Variants in MAP1S observed in about 807,000 individuals in gnomAD.
MAP1S encodes the protein microtubule-associated protein 1S.
Under a neutral mutation model 60.9 loss-of-function variants are expected in MAP1S, and 27 were observed. The ratio of observed to expected loss-of-function variants is 0.44; its 90% confidence interval spans 0.33 to 0.61. MAP1S has a LOEUF of 0.61. MAP1S is among the 20% of genes least tolerant of loss of function. The pLI is 0.03. For missense variants in MAP1S, 1,608 were observed against 1,486.6 expected (o/e 1.08, Z -1.34); for synonymous variants, 826 against 694.2 (o/e 1.19, Z -2.98).
chr19:17,722,448 T>TTGCCCAGG (rs1451303006), intron 2 of MAP1S, among the ~76,000 whole-genome samples: 8 of 150,694 alleles, frequency 5.3e-5, no homozygotes, highest in Admixed American at 4.0e-4. Context: ...CGAGACCCTG[T>TTGCCCAGG]CTCAAAAAAA....
chr19:17,725,747 G>A lies in MAP1S; in HGVS notation c.445-82G>A. On this transcript the variant is annotated intron_variant, in intron 4 of 6. Coordinates refer to ENST00000324096, the MANE Select transcript of MAP1S (RefSeq NM_018174.6). The surrounding 1 kb of genome is among the most constrained non-coding windows in gnomAD (Gnocchi z 4.2). ...AGGAGCAGGCCCTGGGGGAAAGGAT[G>A]AGGGTGTCCTCGCCCAGTTTTCCCA... is the stretch of plus-strand genomic sequence containing the variant. 1.4e-6 allele frequency: 2 copies of A among 1,395,810 alleles called. No individual in the cohort carries two copies. The highest frequency in any genetic ancestry group is 2.0e-6 in the Non-Finnish European group (2 of 1,023,550). The allele number at this position is 1,395,810 out of a possible 1,614,324, so 86.5% of individuals were successfully genotyped here. A position where few individuals can be genotyped will look rare whatever the true frequency, so the allele number is the denominator to read the frequency against.
chr19:17,727,894 C>T lies in MAP1S; in HGVS notation c.2510C>T (p.Pro837Leu). The change falls in exon 5 of 7, where the codon CCA becomes CTA. Residue 837 changes from proline to leucine, a missense_variant. Around this residue, in one of 4 missense-constraint regions of MAP1S, gnomAD observed 1,167 missense variants for 961.4 expected, o/e 1.21. Coordinates refer to ENST00000324096, the MANE Select transcript of MAP1S (RefSeq NM_018174.6). This position sits in a 1 kb window ranked among gnomAD's most constrained non-coding sequence, Gnocchi z 4.1. ...AAGGTCCCCCCACCACTGCCTGACC[C>T]ATCCAGCATCTGCATGGTGGACCCC... ...PLKVPPPLPD[P>L]SSICMVDPEM... The T allele has an allele frequency of 6.2e-7, 1 of 1,613,048 alleles. No individual in the cohort carries two copies. Among genetic ancestry groups the T allele is most frequent in the African/African-American group, 1.3e-5 (1 of 75,016 alleles).
In MAP1S at chr19:17,727,748, C is replaced by T. The variant is rs142288543; in HGVS notation, c.2364C>T (p.Ser788=). ...GAEETPPTSV[S]ESLPTLSDSD... Reference sequence around the variant, plus strand: ...AGGAGACGCCACCCACATCGGTCAGCGAGTCCCTGCCCACCCTGTCTGACT... The same window carrying T: ...AGGAGACGCCACCCACATCGGTCAGTGAGTCCCTGCCCACCCTGTCTGACT... The change falls in exon 5 of 7, where the codon AGC becomes AGT. Residue 788 remains serine (S), a synonymous_variant. Coordinates refer to ENST00000324096, the MANE Select transcript of MAP1S (RefSeq NM_018174.6). This position sits in a 1 kb window ranked among gnomAD's most constrained non-coding sequence, Gnocchi z 4.1. 50 of 1,605,820 alleles carry T rather than the reference C, an allele frequency of 3.1e-5. No individual in the cohort carries two copies. The highest frequency in any genetic ancestry group is 3.8e-5 in the Non-Finnish European group (45 of 1,175,930).
chr19:17,725,018 C>T lies in MAP1S; in HGVS notation c.304-31C>T, dbSNP rs141724422. 9 of 1,614,024 alleles carry T rather than the reference C, an allele frequency of 5.6e-6. No homozygotes were observed. The highest frequency in any genetic ancestry group is 2.2e-5 in the East Asian group (1 of 44,870). On this transcript the variant is annotated intron_variant, in intron 3 of 6. Transcript: ENST00000324096. This position sits in a 1 kb window ranked among gnomAD's most constrained non-coding sequence, Gnocchi z 4.2. ...CTGCTGGATACGTCACTGCACAGAA[C>T]GGGTCCTTTAGTGTTCACCCCCTCC...
At chr19:17,723,143 T>C (rs1238705127) in intron 2 of MAP1S, among the ~76,000 whole-genome samples, 1 of 152,084 alleles carries the variant, frequency 6.6e-6, no homozygotes, top group Non-Finnish European at 1.5e-5. Flanking sequence ...CCGGCCCTTA[T>C]GCTGCCCCAC....
intron 2 of MAP1S, chr19:17,721,404 C>T (rs968671413): frequency 2.0e-4 from 69 of 341,670 alleles, no homozygotes; most frequent in African/African-American, 1.4e-3. Flanking sequence ...GAACCGGGCG[C>T]GGTGGCTTAC....
In MAP1S at chr19:17,725,378, G is replaced by A. The variant is rs2080408628; in HGVS notation, c.444+189G>A. Among the ~76,000 whole-genome samples, 2 of 152,196 alleles carry A rather than the reference G, an allele frequency of 1.3e-5. No homozygotes were observed. Among genetic ancestry groups the A allele is most frequent in the South Asian group, 2.1e-4 (1 of 4,834 alleles). ...CCCATTGCCCGCGAAAGGGTGTGGT[G>A]TGAGCTGAGTTTGTAGGTCAGCAGA... is the stretch of plus-strand genomic sequence containing the variant. On this transcript the variant is annotated intron_variant, in intron 4 of 6. Coordinates refer to ENST00000324096, the MANE Select transcript of MAP1S (RefSeq NM_018174.6). This position sits in a 1 kb window ranked among gnomAD's most constrained non-coding sequence, Gnocchi z 4.2.
At chr19:17,732,421 T>A (rs1043029167) in intron 5 of MAP1S, among the ~76,000 whole-genome samples, 2 of 152,186 alleles carry the variant, frequency 1.3e-5, no homozygotes, top group Non-Finnish European at 2.9e-5. Flanking sequence ...AGCCGTATCC[T>A]TTCATTTCAT....
At chr19:17,724,252 C>G (rs1254884089) in intron 3 of MAP1S, 44 bp downstream of exon 3, 3 of 1,512,854 alleles carry the variant, frequency 2.0e-6, no homozygotes, top group Non-Finnish European at 2.8e-6. Context: ...CTGCTGGGAC[C>G]CGTGCCTTCT....
chr19:17,733,642 G>A (rs941696692), intron 6 of MAP1S, among the ~76,000 whole-genome samples: 1 of 152,192 alleles, frequency 6.6e-6, no homozygotes, highest in Admixed American at 6.5e-5. Flanking sequence ...CCTGGGGGAG[G>A]ACGCAGGGCC....
At chr19:17,720,893 G>A (rs767854136) in intron 1 of MAP1S, 43 bp from the exon 2 acceptor site, 4 of 1,470,890 alleles carry the variant, frequency 2.7e-6, no homozygotes, top group Non-Finnish European at 3.8e-6. Context: ...TGGGAGCTGG[G>A]GGGCCCGGCT....
intron 3 of MAP1S, among the ~76,000 whole-genome samples, chr19:17,724,514 C>T (rs1174007727): frequency 6.6e-6 from 1 of 152,130 alleles, no homozygotes; most frequent in Admixed American, 6.5e-5. Flanking sequence ...CTGTGGGTTC[C>T]CTCCGGCTAG....
intron 2 of MAP1S, among the ~76,000 whole-genome samples, chr19:17,723,210 G>A (rs575119432): frequency 1.5e-4 from 23 of 152,104 alleles, no homozygotes; most frequent in African/African-American, 2.4e-4. Context: ...GTCCACGTTC[G>A]CCCTCATTGG....
chr19:17,726,795 G>A lies in MAP1S; in HGVS notation c.1411G>A (p.Glu471Lys), dbSNP rs768468800. 6 of 1,557,028 alleles carry A rather than the reference G, an allele frequency of 3.9e-6. No individual in the cohort carries two copies. In the Admixed American group the frequency reaches 9.7e-5, roughly 25 times the overall value. Residue 471 changes from glutamate (E) to lysine (K), a missense_variant, in exon 5 of 7, where the codon GAG becomes AAG. Transcript: ENST00000324096. ...GGACCTGGAGGGGCCGGGGCGAGCC[G>A]AGAGCAAAGAGAGCGTGGGCTCCCG... is the stretch of plus-strand genomic sequence containing the variant. Reference protein sequence around the residue: ...PQDLEGPGRAESKESVGSRDS... With the variant: ...PQDLEGPGRAKSKESVGSRDS...
chr19:17,733,923 G>A (rs1460404869), intron 6 of MAP1S, among the ~76,000 whole-genome samples: 2 of 152,212 alleles, frequency 1.3e-5, no homozygotes, highest in Non-Finnish European at 2.9e-5. Flanking sequence ...TAGGGTGCAC[G>A]ACCCAGGAAA....
At chr19:17,720,222 G>A in intron 1 of MAP1S, 1 of 1,374,982 alleles carries the variant, frequency 7.3e-7, no homozygotes, top group South Asian at 1.7e-5. Context: ...CGGGCGTGAT[G>A]CGCCCGTGGG....
intron 2 of MAP1S, among the ~76,000 whole-genome samples, chr19:17,722,189 C>T (rs982353186): frequency 2.4e-5 from 3 of 126,032 alleles, no homozygotes; most frequent in African/African-American, 9.1e-5. Flanking sequence ...GGGTGGCTCT[C>T]GCCTGTAATC....
In MAP1S at chr19:17,727,890, G is replaced by A. The variant is rs1303739350; in HGVS notation, c.2506G>A (p.Asp836Asn). The change falls in exon 5 of 7, where the codon GAC becomes AAC. Residue 836 changes from aspartate to asparagine, a missense_variant. Around this residue, in one of 4 missense-constraint regions of MAP1S, gnomAD observed 1,167 missense variants for 961.4 expected, o/e 1.21. Coordinates refer to ENST00000324096, the MANE Select transcript of MAP1S (RefSeq NM_018174.6). This position sits in a 1 kb window ranked among gnomAD's most constrained non-coding sequence, Gnocchi z 4.1. ...DPLKVPPPLPDPSSICMVDPE... is the reference protein window; with the variant it reads ...DPLKVPPPLPNPSSICMVDPE... ...CCTCAAGGTCCCCCCACCACTGCCT[G>A]ACCCATCCAGCATCTGCATGGTGGA... 6.2e-7 allele frequency: 1 copy of A among 1,612,622 alleles called. No individual in the cohort carries two copies. The highest frequency in any genetic ancestry group is 8.5e-7 in the Non-Finnish European group (1 of 1,179,776).
intron 5 of MAP1S, among the ~76,000 whole-genome samples, chr19:17,731,761 G>A (rs1279280567): frequency 6.6e-6 from 1 of 152,228 alleles, no homozygotes; most frequent in African/African-American, 2.4e-5. Flanking sequence ...CACTTCCTGG[G>A]TTCAAGCAGT....
Sources: allele counts gnomAD v4.1 joint callset (sites outside exome capture counted in the v4.1 genomes callset), GRCh38; gene constraint gnomAD v4.1.1; regional missense constraint gnomAD v4.1.1; non-coding constraint Gnocchi (gnomAD v3.1); transcripts MANE v1.5; gene names NCBI Gene and HGNC (gene_info 2026-07-23, HGNC 2026-07-21).